Variants in SPAG9 observed in about 807,000 individuals in gnomAD.
The protein encoded by SPAG9 is C-Jun-amino-terminal kinase-interacting protein 4.
A neutral mutation model predicts 166.5 loss-of-function variants in SPAG9; 35 were observed. That is an observed-to-expected ratio of 0.21 (90% CI 0.16 to 0.28). The LOEUF (loss-of-function observed/expected upper bound fraction) is 0.28. Among genes scored for constraint, SPAG9 ranks in the 10% least tolerant of loss-of-function variants. The probability of loss-of-function intolerance (pLI) is 1.00; values close to 1 mark genes in which losing one functional copy is unlikely to be tolerated. For missense variants in SPAG9, 1,235 were observed against 1,603.3 expected, an observed-to-expected ratio of 0.77 and a Z score of 3.92; for synonymous variants, 534 against 565.5, an observed-to-expected ratio of 0.94 and a Z score of 0.79.
chr17:50,986,623 G>A (rs191989934), intron 22 of SPAG9, among the ~76,000 whole-genome samples: 7 of 152,216 alleles, frequency 4.6e-5, no homozygotes, highest in Non-Finnish European at 7.4e-5. Context: ...CCACACAACC[G>A]GAAAGTGAAC....
At chr17:50,970,583 G>T in intron 29 of SPAG9, 124 bp downstream of exon 29, 2 of 675,698 alleles carry the variant, frequency 3.0e-6, no homozygotes, top group South Asian at 3.7e-5. Context: ...AAATCCTTTC[G>T]TGTGTAAAGA....
At chr17:50,985,374 T>C (rs1974966114) in intron 23 of SPAG9, among the ~76,000 whole-genome samples, 1 of 152,136 alleles carries the variant, frequency 6.6e-6, no homozygotes, top group South Asian at 2.1e-4. Context: ...GAACTAGTAA[T>C]CAATGCCCCA....
chr17:51,067,844 CTCTTTCTATCCG>C (rs2047717273), intron 2 of SPAG9, among the ~76,000 whole-genome samples: 1 of 152,216 alleles, frequency 6.6e-6, no homozygotes, highest in Non-Finnish European at 1.5e-5. Flanking sequence ...ATTTTGAGCG[CTCTTTCTATCCG>C]TCTTTCCAAA....
intron 3 of SPAG9, among the ~76,000 whole-genome samples, chr17:51,052,988 G>T (rs1051850586): frequency 6.6e-6 from 1 of 151,894 alleles, no homozygotes; most frequent in African/African-American, 2.4e-5. Flanking sequence ...GAACCTGGGA[G>T]GCAGAGGCTG....
Position 50,965,920 on chromosome 17 carries a change from T to TA in SPAG9, c.*351dup, listed in dbSNP as rs1973335433. On this transcript the variant is annotated 3_prime_UTR_variant, in exon 30 of 30. Coordinates refer to ENST00000262013, the MANE Select transcript of SPAG9 (RefSeq NM_001130528.3). ...ATCAAGTGTTTCCCATTAATTCCATTATTAGTGACAGCTAACAAGTGACCC... is the reference window on the plus strand; with the variant it reads ...ATCAAGTGTTTCCCATTAATTCCATTAATTAGTGACAGCTAACAAGTGACCC... 5.0e-6 allele frequency: 1 copy of TA among 201,172 alleles called. No individual in the cohort carries two copies. The highest frequency in any genetic ancestry group is 1.1e-5 in the Non-Finnish European group (1 of 95,150). The allele number at this position is 201,172 out of a possible 1,614,324, so 12.5% of individuals were successfully genotyped here. A position where few individuals can be genotyped will look rare whatever the true frequency, so the allele number is the denominator to read the frequency against.
intron 3 of SPAG9, among the ~76,000 whole-genome samples, chr17:51,052,796 C>T (rs773343702): frequency 3.0e-4 from 46 of 152,178 alleles, no homozygotes; most frequent in Non-Finnish European, 5.4e-4. Context: ...TGGTAGCTCA[C>T]GCCTGTAATC....
At chr17:51,070,908 T>G (rs1411267359) in intron 2 of SPAG9, among the ~76,000 whole-genome samples, 1 of 152,148 alleles carries the variant, frequency 6.6e-6, no homozygotes, top group Non-Finnish European at 1.5e-5. Flanking sequence ...TGGATTTATG[T>G]GGACATAAAA....
In SPAG9 at chr17:50,964,038, A is replaced by G. The variant is rs2143502125; in HGVS notation, c.*2234T>C. The G allele has an allele frequency of 6.6e-6, 1 of 152,352 alleles. No homozygotes were observed. Among genetic ancestry groups the G allele is most frequent in the South Asian group, 2.1e-4 (1 of 4,824 alleles). The allele number at this position is 152,352 out of a possible 1,614,324, so 9.4% of individuals were successfully genotyped here. On this transcript the variant is annotated 3_prime_UTR_variant, in exon 30 of 30. Transcript: ENST00000262013. Reference sequence around the variant, plus strand: ...TAGTCACATGTGGCCCAATGGATCCAAATGCCTCCTCTGGCTCATGAAATC... The same window carrying G: ...TAGTCACATGTGGCCCAATGGATCCGAATGCCTCCTCTGGCTCATGAAATC...
At position 51,005,240 on chromosome 17, in the gene SPAG9, G is replaced by A. The variant is rs770915392; in HGVS notation, c.1448C>T (p.Ala483Val). Reference sequence around the variant, plus strand: ...ATCGTCATCTTTTGCTTTTTGCCTTGCATCTTCAGCTTCTGCCCGAGCTCT... The same window carrying A: ...ATCGTCATCTTTTGCTTTTTGCCTTACATCTTCAGCTTCTGCCCGAGCTCT... The part of the protein sequence containing the change: ...LRKARAEAED[A>V]RQKAKDDDDS... Residue 483 changes from alanine (A) to valine (V), a missense_variant, in exon 12 of 30, where the codon GCA becomes GTA. This residue lies in a region of SPAG9 where 125 missense variants were observed against 194.0 expected (regional missense o/e 0.64). Coordinates refer to ENST00000262013, the MANE Select transcript of SPAG9 (RefSeq NM_001130528.3). 1.9e-6 allele frequency: 3 copies of A among 1,613,818 alleles called. No homozygotes were observed. Among genetic ancestry groups the A allele is most frequent in the African/African-American group, 1.3e-5 (1 of 75,024 alleles).
intron 15 of SPAG9, 42 bp from the exon 16 acceptor site, chr17:50,996,736 A>G: frequency 6.2e-7 from 1 of 1,601,096 alleles, no homozygotes; most frequent in Non-Finnish European, 8.5e-7. Context: ...GAATACGTTT[A>G]ATTACGTTTA....
At chr17:51,099,687 C>T (rs1174081967) in intron 1 of SPAG9, among the ~76,000 whole-genome samples, 1 of 130,254 alleles carries the variant, frequency 7.7e-6, no homozygotes, top group Non-Finnish European at 1.6e-5. Context: ...CTTTAATTTA[C>T]AGATCTTCAA....
rs1031772195 is a variant in SPAG9, at chr17:51,071,276, T to C, written c.424+8308A>G. ...CAACATACAACAGAGACAATAAATA[T>C]AAAAAGTACTTTCTGACAAAGACCT... On this transcript the variant is annotated intron_variant, in intron 2 of 29. Transcript: ENST00000262013. 4.6e-5 allele frequency among the ~76,000 whole-genome samples: 7 copies of C among 152,282 alleles called. No homozygotes were observed. In the East Asian group the frequency reaches 9.6e-4, roughly 21 times the overall value.
At chr17:51,015,579 T>C (rs1568000702) in intron 8 of SPAG9, among the ~76,000 whole-genome samples, 1 of 151,458 alleles carries the variant, frequency 6.6e-6, no homozygotes, top group African/African-American at 2.4e-5. Context: ...ACAGAGACAC[T>C]AAGAGCAAAA....
At chr17:51,022,208 C>T (rs964555488) in intron 6 of SPAG9, among the ~76,000 whole-genome samples, 2 of 151,526 alleles carry the variant, frequency 1.3e-5, no homozygotes, top group African/African-American at 2.4e-5. Flanking sequence ...GGGAGGATCC[C>T]TTGAGCCCAA....
intron 2 of SPAG9, among the ~76,000 whole-genome samples, chr17:51,067,166 A>C (rs910359483): frequency 6.6e-6 from 1 of 152,218 alleles, no homozygotes; most frequent in Non-Finnish European, 1.5e-5. Flanking sequence ...CACATACACC[A>C]AGATCAAATA....
chr17:51,113,825 T>C (rs2049199621), intron 1 of SPAG9, among the ~76,000 whole-genome samples: 1 of 151,432 alleles, frequency 6.6e-6, no homozygotes, highest in African/African-American at 2.4e-5. Flanking sequence ...GGGAAACCCA[T>C]TTCTACAAAA....
chr17:51,095,934 T>G (rs993230642), intron 1 of SPAG9, among the ~76,000 whole-genome samples: 9 of 133,046 alleles, frequency 6.8e-5, no homozygotes, highest in African/African-American at 2.7e-4. Flanking sequence ...GTGATATATA[T>G]AGTGATATAG....
chr17:50,999,866 C>A, intron 13 of SPAG9, 149 bp from the exon 14 acceptor site: 1 of 620,248 alleles, frequency 1.6e-6, no homozygotes, highest in Non-Finnish European at 2.8e-6. Context: ...TTTGACCTAC[C>A]ATGTGTCAGT....
chr17:51,063,784 A>T lies in SPAG9; in HGVS notation c.425-7302T>A, dbSNP rs184833492. Among the ~76,000 whole-genome samples, 68 of 152,222 alleles carry T rather than the reference A, an allele frequency of 4.5e-4. No homozygotes were observed. The East Asian group carries it at 0.011, about 24-fold the overall frequency. On this transcript the variant is annotated intron_variant, in intron 2 of 29. Transcript: ENST00000262013. ...GTAATCCCAGCTACTTGGGAGGCTGAGGCAGGAGAACTGCTTGAACCTGGG... is the reference window on the plus strand; with the variant it reads ...GTAATCCCAGCTACTTGGGAGGCTGTGGCAGGAGAACTGCTTGAACCTGGG...
Sources: gnomAD v4.1 joint callset for allele counts (sites outside exome capture counted in the v4.1 genomes callset) on GRCh38, gnomAD v4.1.1 for gene constraint, gnomAD v4.1.1 regional missense constraint, MANE v1.5 for transcripts, NCBI Gene and HGNC (gene_info 2026-07-23, HGNC 2026-07-21) for gene names.